PRICKLE1: variants seen among roughly 807,000 people sequenced by gnomAD.
The protein encoded by PRICKLE1 is prickle-like protein 1.
PRICKLE1 carries 14 observed loss-of-function variants against 70.2 expected under a neutral mutation model. The ratio of observed to expected loss-of-function variants is 0.20; its 90% CI spans 0.13 to 0.31. The LOEUF (loss-of-function observed/expected upper bound fraction) is 0.31. Ranked by LOEUF, PRICKLE1 falls within the 10% of genes least tolerant of loss-of-function variation. The pLI, the probability that PRICKLE1 is intolerant of heterozygous loss-of-function variation, is 1.00. For synonymous variants in PRICKLE1, 357 were observed against 379.9 expected (o/e 0.94, Z 0.70); for missense variants, 821 against 1,026.2 (o/e 0.80, Z 2.73).
chr12:42,461,393 T>C (rs1400037636), intron 7 of PRICKLE1, among the ~76,000 whole-genome samples: 1 of 152,248 alleles, frequency 6.6e-6, no homozygotes, highest in Non-Finnish European at 1.5e-5. Context: ...CATCATGAGC[T>C]AGTCTTCCTC....
intron 3 of PRICKLE1, 48 bp from the exon 4 acceptor site, chr12:42,469,635 C>T: frequency 6.2e-7 from 1 of 1,611,142 alleles, no homozygotes; most frequent in Non-Finnish European, 8.5e-7. Context: ...CACAGTCTTT[C>T]TCACCAGTTC....
At position 42,575,008 on chromosome 12, in the gene PRICKLE1, C is replaced by CTT. The variant is rs111401287; in HGVS notation, c.-49+14455_-49+14456dup. ...AGGCCACTTGGTGACATTCAGGCTT[C>CTT]TTTTTTTTTTTTCAACCATTAGCTT... On this transcript the variant is annotated intron_variant, in intron 1 of 7. Transcript: ENST00000345127. Among the ~76,000 whole-genome samples, 77 of 138,666 alleles carry CTT rather than the reference C, an allele frequency of 5.6e-4. 1 individual carries two copies. Among genetic ancestry groups the CTT allele is most frequent in the South Asian group, 4.2e-3 (18 of 4,260 alleles). The allele number at this position is 138,666 out of a possible 152,430, so 91.0% of individuals were successfully genotyped here.
rs572315226 is a variant in PRICKLE1 at position 42,459,680 on chromosome 12, T to A, written c.*129A>T. ...GTTAATCTGACACTGTAAACAGCAG[T>A]TGAGTTCTCATTTACATGGGCAAAG... is the stretch of plus-strand genomic sequence containing the variant. On this transcript the variant is annotated 3_prime_UTR_variant, in exon 8 of 8. Transcript: ENST00000345127. 1 of 1,061,778 alleles carries A rather than the reference T, an allele frequency of 9.4e-7. No homozygotes were observed. The highest frequency in any genetic ancestry group is 1.4e-6 in the Non-Finnish European group (1 of 698,614). The allele number at this position is 1,061,778 out of a possible 1,614,324, so 65.8% of individuals were successfully genotyped here. A position where few individuals can be genotyped will look rare whatever the true frequency, so the allele number is the denominator to read the frequency against.
At chr12:42,575,957 C>A (rs993793928) in intron 1 of PRICKLE1, among the ~76,000 whole-genome samples, 9 of 152,312 alleles carry the variant, frequency 5.9e-5, no homozygotes, top group Non-Finnish European at 1.0e-4. Context: ...GCACATTTCT[C>A]TATTCCTGCC....
At chr12:42,465,794 G>A (rs941232545) in intron 6 of PRICKLE1, 8 of 324,686 alleles carry the variant, frequency 2.5e-5, no homozygotes, top group Admixed American at 4.6e-5. Context: ...ACCACTGGCT[G>A]TGAGTTCAAT....
chr12:42,459,244 G>A lies in PRICKLE1; in HGVS notation c.*565C>T, dbSNP rs762030087. 2 of 654,702 alleles carry A rather than the reference G, an allele frequency of 3.1e-6. No homozygotes were observed. The highest frequency in any genetic ancestry group is 3.1e-5 in the South Asian group (2 of 65,220). 40.6% of individuals were successfully genotyped at this position (654,702 alleles called of 1,614,324 possible). On this transcript the variant is annotated 3_prime_UTR_variant, in exon 8 of 8. Coordinates refer to ENST00000345127, the MANE Select transcript of PRICKLE1 (RefSeq NM_153026.3). ...TCTATGAAATACTAAGTTATAAATA[G>A]CAATGTTTTTTGTTTTTTTTTTTCA...
rs769884613 is a variant in PRICKLE1 at position 42,464,975 on chromosome 12, C to A, written c.1059G>T (p.Ser353=). The A allele has an allele frequency of 6.2e-7, 1 of 1,613,970 alleles. No individual in the cohort carries two copies. Among genetic ancestry groups the A allele is most frequent in the Admixed American group, 1.7e-5 (1 of 60,000 alleles). ...CAGGAAACTTGTAGTTCAGAGCAGG[C>A]GATAAGAGGAGAGACTGTCTACACT... is the stretch of plus-strand genomic sequence containing the variant. ...ADQCRQSLLL[S]PALNYKFPGL... is the part of the protein sequence containing the mutation. Residue 353 remains serine, a synonymous_variant, in exon 7 of 8, where the codon TCG becomes TCT. Transcript: ENST00000345127. This position sits in a 1 kb window ranked among gnomAD's most constrained non-coding sequence, Gnocchi z 4.2.
intron 1 of PRICKLE1, among the ~76,000 whole-genome samples, chr12:42,576,611 T>G (rs1940810169): frequency 6.6e-6 from 1 of 152,218 alleles, no homozygotes. Flanking sequence ...AATGTCAAAT[T>G]TATTAGTTCT....
At chr12:42,582,242 TA>T (rs1334549078) in intron 1 of PRICKLE1, among the ~76,000 whole-genome samples, 4 of 152,206 alleles carry the variant, frequency 2.6e-5, no homozygotes. Flanking sequence ...TCATGAAACA[TA>T]AAAGGCTAAA....
At chr12:42,508,066 A>G (rs1243623033) in intron 1 of PRICKLE1, among the ~76,000 whole-genome samples, 1 of 152,216 alleles carries the variant, frequency 6.6e-6, no homozygotes, top group Non-Finnish European at 1.5e-5. Flanking sequence ...GGCGATTTAG[A>G]TACCATTTTT....
intron 1 of PRICKLE1, among the ~76,000 whole-genome samples, chr12:42,482,492 A>T (rs1199947923): frequency 6.6e-6 from 1 of 152,198 alleles, no homozygotes; most frequent in Admixed American, 6.5e-5. Flanking sequence ...TATTTTCAAC[A>T]GTGGCCCGAG....
chr12:42,534,218 C>T (rs923522972), intron 1 of PRICKLE1, among the ~76,000 whole-genome samples: 1 of 152,108 alleles, frequency 6.6e-6, no homozygotes, highest in Non-Finnish European at 1.5e-5. Context: ...CAGGAAAGTC[C>T]TCTCCATTGA....
chr12:42,470,441 C>T (rs1027283960), intron 2 of PRICKLE1, 82 bp from the exon 3 acceptor site: 3 of 982,530 alleles, frequency 3.1e-6, no homozygotes, highest in Admixed American at 3.5e-5. Flanking sequence ...TTACCTTTCC[C>T]TAGGTACAGG....
At chr12:42,496,871 T>TA (rs546393006) in intron 1 of PRICKLE1, among the ~76,000 whole-genome samples, 14 of 152,208 alleles carry the variant, frequency 9.2e-5, no homozygotes, top group Non-Finnish European at 1.8e-4. Flanking sequence ...TTTGATCTTC[T>TA]ATTCAGACCA....
chr12:42,558,010 T>C (rs1438070385), intron 1 of PRICKLE1, among the ~76,000 whole-genome samples: 1 of 152,156 alleles, frequency 6.6e-6, no homozygotes, highest in African/African-American at 2.4e-5. Context: ...CACATCGGAG[T>C]GATGACAGCC....
At chr12:42,481,876 T>C (rs1313242942) in intron 1 of PRICKLE1, among the ~76,000 whole-genome samples, 1 of 152,230 alleles carries the variant, frequency 6.6e-6, no homozygotes, top group African/African-American at 2.4e-5. Context: ...TCAAGGGGCA[T>C]TCAGTGCTTA....
rs1455206397 is a variant in PRICKLE1, at chr12:42,469,455, C to T, written c.379G>A (p.Glu127Lys). The T allele has an allele frequency of 6.2e-7, 1 of 1,614,108 alleles. No individual in the cohort carries two copies. Among genetic ancestry groups the T allele is most frequent in the Non-Finnish European group, 8.5e-7 (1 of 1,180,036 alleles). ...TCAGAGAAGGGGCTGCTCACCTGCT[C>T]ACACACAGCATGCATGACTGCTCTG... ...LSRAVMHAVC[E>K]QCGLKINGGE... is the part of the protein sequence containing the mutation. The change falls in exon 4 of 8, where the codon GAG becomes AAG. Residue 127 changes from glutamate (E) to lysine (K), a missense_variant. Transcript: ENST00000345127.
intron 3 of PRICKLE1, chr12:42,469,930 C>G: frequency 2.0e-6 from 1 of 490,852 alleles, no homozygotes; most frequent in South Asian, 2.1e-5. Context: ...CTCAACTCAA[C>G]TGCAGGCCTG....
chr12:42,523,021 G>A (rs1017121259), intron 1 of PRICKLE1, among the ~76,000 whole-genome samples: 3 of 151,224 alleles, frequency 2.0e-5, no homozygotes, highest in African/African-American at 7.3e-5. Context: ...GAGTGCAGTG[G>A]CACGATCTCG....
Sources: allele counts gnomAD v4.1 joint callset (sites outside exome capture counted in the v4.1 genomes callset), GRCh38; gene constraint gnomAD v4.1.1; non-coding constraint Gnocchi (gnomAD v3.1); transcripts MANE v1.5; gene names NCBI Gene and HGNC (gene_info 2026-07-23, HGNC 2026-07-21).